PTPRD: variants seen among roughly 807,000 people sequenced by gnomAD.
PTPRD encodes the protein receptor-type tyrosine-protein phosphatase delta.
A neutral mutation model predicts 214.5 loss-of-function variants in PTPRD; 34 were observed. The observed-to-expected ratio is 0.16, with a 90% confidence interval of 0.12 to 0.21. The LOEUF (loss-of-function observed/expected upper bound fraction) is 0.21. PTPRD is among the 10% of genes least tolerant of loss of function. PTPRD has a pLI of 1.00. For synonymous variants in PTPRD, 1,128 were observed against 845.7 expected (o/e 1.33, Z -5.79); for missense variants, 2,545 against 2,398.7 (o/e 1.06, Z -1.27).
chr9:10,242,079 T>G (rs922897194), intron 3 of PTPRD, among the ~76,000 whole-genome samples: 7 of 151,914 alleles, frequency 4.6e-5, no homozygotes, highest in African/African-American at 1.7e-4. Flanking sequence ...AAAGACTATA[T>G]GACCTGTGAA....
chr9:9,356,224 T>TACTC (rs2053721244), intron 9 of PTPRD, among the ~76,000 whole-genome samples: 1 of 151,390 alleles, frequency 6.6e-6, no homozygotes. Context: ...ATTTTGTGTA[T>TACTC]GTTTTTTTAA....
chr9:10,469,453 G>A (rs1351297960), intron 2 of PTPRD, among the ~76,000 whole-genome samples: 2 of 152,056 alleles, frequency 1.3e-5, no homozygotes, highest in Non-Finnish European at 2.9e-5. Context: ...ATTAAAGATA[G>A]CAATGCACTA....
At chr9:8,540,487 C>A (rs1194161153) in intron 14 of PTPRD, among the ~76,000 whole-genome samples, 1 of 151,990 alleles carries the variant, frequency 6.6e-6, no homozygotes, top group East Asian at 1.9e-4. Context: ...GGTGCAAGCT[C>A]ATGAAAAGAA....
chr9:10,175,762 T>C (rs2099244498), intron 3 of PTPRD, among the ~76,000 whole-genome samples: 1 of 151,990 alleles, frequency 6.6e-6, no homozygotes, highest in Admixed American at 6.6e-5. Flanking sequence ...TGGAATAGTA[T>C]GACCATATAT....
intron 3 of PTPRD, among the ~76,000 whole-genome samples, chr9:10,078,988 C>CT (rs934222281): frequency 4.6e-5 from 7 of 152,022 alleles, no homozygotes; most frequent in African/African-American, 1.7e-4. Context: ...ATGAGTAGAA[C>CT]TTTTTTTTCT....
chr9:9,848,241 C>T (rs1319463594), intron 5 of PTPRD, among the ~76,000 whole-genome samples: 1 of 152,090 alleles, frequency 6.6e-6, no homozygotes, highest in Non-Finnish European at 1.5e-5. Context: ...CACAGATTCC[C>T]CAGTACTGCT....
In PTPRD at chr9:9,491,353, C is replaced by T. The variant is rs143055420; in HGVS notation, c.-237+83379G>A. 1.8e-4 allele frequency among the ~76,000 whole-genome samples: 28 copies of T among 151,890 alleles called. No individual in the cohort carries two copies. In the East Asian group the frequency reaches 5.0e-3, roughly 27 times the overall value. ...ATAGTTCTACGATAATAGTTGGGGACTTTAATAGTCAACTCTGAAAAATGG... is the reference window on the plus strand; with the variant it reads ...ATAGTTCTACGATAATAGTTGGGGATTTTAATAGTCAACTCTGAAAAATGG... On this transcript the variant is annotated intron_variant, in intron 8 of 45. Transcript: ENST00000381196.
chr9:9,576,768 GC>G (rs1159185977), intron 7 of PTPRD, among the ~76,000 whole-genome samples: 1 of 152,040 alleles, frequency 6.6e-6, no homozygotes, highest in Non-Finnish European at 1.5e-5. Flanking sequence ...TTAAAGTCAA[GC>G]TTTAAGGTTT....
chr9:8,908,248 G>A (rs564736412), intron 11 of PTPRD, among the ~76,000 whole-genome samples: 2 of 152,234 alleles, frequency 1.3e-5, no homozygotes, highest in Admixed American at 6.5e-5. Context: ...AATAAGGAAA[G>A]ACTAAGATGT....
intron 9 of PTPRD, among the ~76,000 whole-genome samples, chr9:9,305,000 T>C (rs898553614): frequency 1.3e-5 from 2 of 148,276 alleles, no homozygotes; most frequent in African/African-American, 5.0e-5. Flanking sequence ...AACAGATTTG[T>C]CCACTAGTTC....
Position 9,035,356 on chromosome 9 carries a change from A to C in PTPRD, c.-142-16621T>G, listed in dbSNP as rs1020541527. ...CTTTTTGAAATGTATCTTTCTAGAC[A>C]GTAAATAAGCCTTCTGTCAGCTTTA... On this transcript the variant is annotated intron_variant, in intron 10 of 45. Coordinates refer to ENST00000381196, the MANE Select transcript of PTPRD (RefSeq NM_002839.4). Among the ~76,000 whole-genome samples, 6 of 152,240 alleles carry C rather than the reference A, an allele frequency of 3.9e-5. No individual in the cohort carries two copies. The South Asian group carries it at 1.2e-3, about 32-fold the overall frequency.
chr9:10,232,580 A>G (rs940538990), intron 3 of PTPRD, among the ~76,000 whole-genome samples: 1 of 152,026 alleles, frequency 6.6e-6, no homozygotes, highest in Non-Finnish European at 1.5e-5. Flanking sequence ...CATAGATAAT[A>G]AAGATGTTTG....
intron 5 of PTPRD, among the ~76,000 whole-genome samples, chr9:9,824,630 A>G (rs1466541700): frequency 6.6e-6 from 1 of 152,064 alleles, no homozygotes; most frequent in Non-Finnish European, 1.5e-5. Context: ...AAAGAAAACA[A>G]CTGGAACATA....
intron 9 of PTPRD, among the ~76,000 whole-genome samples, chr9:9,366,701 T>C (rs183962947): frequency 1.5e-4 from 23 of 151,600 alleles, no homozygotes; most frequent in Admixed American, 6.6e-4. Context: ...AAATGAAATA[T>C]GCAATTTAAA....
chr9:9,816,779 G>C (rs569415971), intron 5 of PTPRD, among the ~76,000 whole-genome samples: 1 of 151,930 alleles, frequency 6.6e-6, no homozygotes, highest in African/African-American at 2.4e-5. Flanking sequence ...CATTCCTTTA[G>C]TAATAGATAG....
chr9:9,265,834 A>G (rs1046695967), intron 9 of PTPRD, among the ~76,000 whole-genome samples: 1 of 151,578 alleles, frequency 6.6e-6, no homozygotes, highest in African/African-American at 2.4e-5. Context: ...AAGGACTGAT[A>G]AAACAACCAG....
At chr9:9,221,520 T>G (rs183689062) in intron 9 of PTPRD, among the ~76,000 whole-genome samples, 1 of 152,158 alleles carries the variant, frequency 6.6e-6, no homozygotes, top group African/African-American at 2.4e-5. Context: ...GCTGGCTGAT[T>G]AGATCTCTGG....
At chr9:9,681,534 A>G (rs1410431831) in intron 7 of PTPRD, among the ~76,000 whole-genome samples, 2 of 151,736 alleles carry the variant, frequency 1.3e-5, no homozygotes, top group Non-Finnish European at 2.9e-5. Context: ...GTCTAAACCC[A>G]GTATGACCCC....
chr9:8,536,503 T>A (rs903838521), intron 14 of PTPRD, among the ~76,000 whole-genome samples: 1 of 151,894 alleles, frequency 6.6e-6, no homozygotes, highest in Non-Finnish European at 1.5e-5. Context: ...TCCCTCAGGA[T>A]TGGTTCTAGA....
Sources: allele counts gnomAD v4.1 joint callset (sites outside exome capture counted in the v4.1 genomes callset), GRCh38; gene constraint gnomAD v4.1.1; transcripts MANE v1.5; gene names NCBI Gene and HGNC (gene_info 2026-07-23, HGNC 2026-07-21).